The following GANAB variants were observed in gnomAD, a reference collection of about 807,000 sequenced individuals.
GANAB encodes the protein glucosidase II alpha subunit, also known as neutral alpha-glucosidase AB.
In GANAB, 35 loss-of-function variants were observed where a neutral mutation model predicts 129.9. The ratio of observed to expected loss-of-function variants is 0.27; its 90% confidence interval spans 0.21 to 0.36. The LOEUF (loss-of-function observed/expected upper bound fraction) is 0.36, where lower values mean the gene tolerates loss of function less well. GANAB is among the 10% of genes least tolerant of loss of function. The pLI is 1.00. For missense variants in GANAB, 939 were observed against 1,221.0 expected (o/e 0.77, Z 3.44); for synonymous variants, 482 against 451.8 (o/e 1.07, Z -0.85).
chr11:62,629,264 C>T lies in GANAB; in HGVS notation c.1866G>A (p.Glu622=), dbSNP rs769306062. 6.2e-7 allele frequency: 1 copy of T among 1,613,554 alleles called. No homozygotes were observed. Among genetic ancestry groups the T allele is most frequent in the South Asian group, 1.1e-5 (1 of 91,080 alleles). Residue 622 remains glutamate (E), a synonymous_variant, in exon 16 of 24, where the codon GAG becomes GAA. Coordinates refer to ENST00000356638, the MANE Select transcript of GANAB (RefSeq NM_198334.3). ...GAVWTGDNTA[E]WDHLKISIPM... The stretch of plus-strand genomic sequence containing the variant: ...GAATAGAGATCTTCAAATGGTCCCA[C>T]TCGGCAGTGTTGTCCCCTGTCCACA...
chr11:62,639,826 G>C (rs1944144429), intron 1 of GANAB, 95 bp from the exon 2 acceptor site: 2 of 746,378 alleles, frequency 2.7e-6, no homozygotes, highest in Admixed American at 2.2e-5. Context: ...AGCACTAGAA[G>C]ATAGTTGAGG....
In GANAB at chr11:62,633,431, C is replaced by A; in HGVS notation, c.630+14G>T. The A allele has an allele frequency of 1.2e-6, 2 of 1,613,408 alleles. No individual in the cohort carries two copies. Among genetic ancestry groups the A allele is most frequent in the Non-Finnish European group, 1.7e-6 (2 of 1,179,632 alleles). On this transcript the variant is annotated intron_variant, in intron 6 of 23. Transcript: ENST00000356638. ...CCAGCCCTATCCTCCAACCACCCAC[C>A]CGCTCCAACTTGCCTTGTCGCCATC... is the stretch of plus-strand genomic sequence containing the variant.
At chr11:62,633,921 G>T (rs796423004) in intron 5 of GANAB, 49 of 374,910 alleles carry the variant, frequency 1.3e-4, no homozygotes, top group African/African-American at 8.6e-4. Context: ...AAGGCATGTG[G>T]GTCATACTAT....
Position 62,625,912 on chromosome 11 carries a change from C to T in GANAB, c.2738G>A (p.Ser913Asn), listed in dbSNP as rs757621446. ...AGGGTCATGCTGGAAGGACAGGCGGCTTTCTGGAGATCCTGGAGGAGGAAT... is the reference window on the plus strand; with the variant it reads ...AGGGTCATGCTGGAAGGACAGGCGGTTTTCTGGAGATCCTGGAGGAGGAAT... ...VVLQTKGSPE[S>N]RLSFQHDPET... The change falls in exon 24 of 24, where the codon AGC (serine) becomes AAC (asparagine). Residue 913 changes from serine (S) to asparagine (N), a missense_variant. By Grantham distance (46) the Ser-to-Asn change is conservative (BLOSUM62 1). This residue lies in a region of GANAB where 230 missense variants were observed against 259.9 expected (regional missense o/e 0.89). Coordinates refer to ENST00000356638, the MANE Select transcript of GANAB (RefSeq NM_198334.3). 6.2e-7 allele frequency: 1 copy of T among 1,611,832 alleles called. No individual in the cohort carries two copies. Among genetic ancestry groups the T allele is most frequent in the Middle Eastern group, 1.7e-4 (1 of 6,054 alleles).
At chr11:62,626,714 T>C in intron 20 of GANAB, 30 bp from the exon 21 acceptor site, 1 of 1,486,446 alleles carries the variant, frequency 6.7e-7, no homozygotes, top group Middle Eastern at 2.2e-4. Context: ...AGGATGAAGT[T>C]GCCCCCTTGT....
chr11:62,629,381 C>G (rs1943554091), intron 15 of GANAB, 86 bp from the exon 16 acceptor site: 1 of 973,796 alleles, frequency 1.0e-6, no homozygotes, highest in Non-Finnish European at 1.7e-6. Context: ...CGCTCTGGGT[C>G]CCCAGAACCC....
chr11:62,646,439 G>T lies in GANAB; in HGVS notation c.38+123C>A, dbSNP rs540857011. On this transcript the variant is annotated intron_variant, in intron 1 of 23. Transcript: ENST00000356638. ...GAGGCGTCTGAGGCCGCCTCCAGAGGAACAAAGGTTCCTCACGAGGCCGGG... is the reference window on the plus strand; with the variant it reads ...GAGGCGTCTGAGGCCGCCTCCAGAGTAACAAAGGTTCCTCACGAGGCCGGG... The T allele has an allele frequency of 2.1e-4, 238 of 1,154,584 alleles. 1 individual carries two copies. In the African/African-American group the frequency reaches 3.4e-3, roughly 16 times the overall value. 71.5% of individuals were successfully genotyped at this position (1,154,584 alleles called of 1,614,324 possible).
In GANAB at chr11:62,641,341, G is replaced by GAAAA. The variant is rs10629748; in HGVS notation, c.39-1614_39-1611dup. 1.6e-4 allele frequency among the ~76,000 whole-genome samples: 18 copies of GAAAA among 109,934 alleles called. No homozygotes were observed. In the East Asian group the frequency reaches 2.6e-3, roughly 16 times the overall value. 72.1% of individuals were successfully genotyped at this position (109,934 alleles called of 152,430 possible). On this transcript the variant is annotated intron_variant, in intron 1 of 23. Coordinates refer to ENST00000356638, the MANE Select transcript of GANAB (RefSeq NM_198334.3). The stretch of plus-strand genomic sequence containing the variant: ...CCTAGGTGATGGAGCAAAACTCTCA[G>GAAAA]AAAAAAAAAAAAAAAAAAGATGTAC...
intron 4 of GANAB, among the ~76,000 whole-genome samples, chr11:62,635,753 G>A (rs1943915423): frequency 1.3e-5 from 2 of 151,352 alleles, no homozygotes; most frequent in African/African-American, 4.9e-5. Flanking sequence ...AGCCTCCCTA[G>A]TAACTGATAT....
chr11:62,639,368 C>T lies in GANAB; in HGVS notation c.243G>A (p.Glu81=). The T allele has an allele frequency of 6.2e-7, 1 of 1,606,836 alleles. No homozygotes were observed. Among genetic ancestry groups the T allele is most frequent in the Non-Finnish European group, 8.5e-7 (1 of 1,173,406 alleles). The part of the protein sequence containing the change: ...PDSLTVHLIH[E]VTKVLLVLEL... The stretch of plus-strand genomic sequence containing the variant: ...CCTTGTCTCTCCTGACCTTGGTGAC[C>T]TCATGGATCAGATGGACCGTGAGGG... The change falls in exon 3 of 24, where the codon GAG becomes GAA. Residue 81 remains glutamate (E), a synonymous_variant. Coordinates refer to ENST00000356638, the MANE Select transcript of GANAB (RefSeq NM_198334.3).
Position 62,644,894 on chromosome 11 carries a change from C to T in GANAB, c.38+1668G>A, listed in dbSNP as rs139335656. On this transcript the variant is annotated intron_variant, in intron 1 of 23. Transcript: ENST00000356638. ...ATAATAAGGTAACTAAAGACAGGGT[C>T]TATTATACACATTGTATCTAGTTAT... 9.3e-4 allele frequency among the ~76,000 whole-genome samples: 141 copies of T among 152,104 alleles called. 1 individual carries two copies. The highest frequency in any genetic ancestry group is 3.4e-3 in the Middle Eastern group (1 of 294).
intron 1 of GANAB, chr11:62,640,014 T>C (rs1288635251): frequency 1.2e-5 from 4 of 329,672 alleles, no homozygotes; most frequent in East Asian, 1.3e-4. Context: ...GGCGGGCGGA[T>C]CACGAGGTCA....
At position 62,632,711 on chromosome 11, in the gene GANAB, C is replaced by A; in HGVS notation, c.850G>T (p.Val284Leu). The A allele has an allele frequency of 6.2e-7, 1 of 1,614,022 alleles. No individual in the cohort carries two copies. Among genetic ancestry groups the A allele is most frequent in the African/African-American group, 1.3e-5 (1 of 75,030 alleles). The change falls in exon 9 of 24, where the codon GTG becomes TTG. Residue 284 changes from valine (V) to leucine (L), a missense_variant. Physicochemically the swap from Val to Leu is conservative, Grantham distance 32. Transcript: ENST00000356638. ...GEPYRLYNLD[V>L]FQYELYNPMA... ...GGGTTGTACAGCTCATACTGGAACACATCCAAATTGTAGAGGCGATATGGC... is the reference window on the plus strand; with the variant it reads ...GGGTTGTACAGCTCATACTGGAACAAATCCAAATTGTAGAGGCGATATGGC...
intron 1 of GANAB, among the ~76,000 whole-genome samples, chr11:62,640,228 C>CAAAAAAAAAAAAAAAAAAAAAA (rs869051826): frequency 3.6e-5 from 1 of 28,024 alleles, no homozygotes; most frequent in Non-Finnish European, 5.3e-5. Context: ...CAGAGCTAGA[C>CAAAAAAAAAAAAAAAAAAAAAA]AAAAAAAAAA....
chr11:62,626,568 T>G lies in GANAB; in HGVS notation c.2511+3A>C, dbSNP rs546150285. ...TGAGGAGACTCGCTGCCTATGCACT[T>G]ACCTGAGGGCTAAGTGCAACAAAGA... On this transcript the variant is annotated splice_donor_region_variant and intron_variant, in intron 21 of 23. Coordinates refer to ENST00000356638, the MANE Select transcript of GANAB (RefSeq NM_198334.3). The G allele has an allele frequency of 6.3e-7, 1 of 1,589,560 alleles. No homozygotes were observed. The highest frequency in any genetic ancestry group is 1.3e-5 in the African/African-American group (1 of 74,532).
At chr11:62,636,643 T>C (rs1040170356) in intron 4 of GANAB, among the ~76,000 whole-genome samples, 1 of 152,094 alleles carries the variant, frequency 6.6e-6, no homozygotes, top group African/African-American at 2.4e-5. Flanking sequence ...AGTGAAACCC[T>C]GTCTCTACTA....
In GANAB at chr11:62,629,693, G is replaced by A. The variant is rs772342694; in HGVS notation, c.1738-9C>T. The stretch of plus-strand genomic sequence containing the variant: ...TCAGCAGTCGCCATGTGCTGGGTGA[G>A]GAGAGAAGAGACGGGTAGTGAGGAG... On this transcript the variant is annotated splice_polypyrimidine_tract_variant and intron_variant, in intron 14 of 23. Transcript: ENST00000356638. The A allele has an allele frequency of 1.1e-5, 17 of 1,610,986 alleles. No individual in the cohort carries two copies. The highest frequency in any genetic ancestry group is 1.4e-5 in the Non-Finnish European group (16 of 1,177,716).
Position 62,639,547 on chromosome 11 carries a change from A to C in GANAB, c.143+80T>G, listed in dbSNP as rs962027012. 6.3e-6 allele frequency: 9 copies of C among 1,420,874 alleles called. No individual in the cohort carries two copies. In the East Asian group the frequency reaches 1.8e-4, roughly 29 times the overall value. The allele number at this position is 1,420,874 out of a possible 1,614,324, so 88.0% of individuals were successfully genotyped here. A position where few individuals can be genotyped will look rare whatever the true frequency, so the allele number is the denominator to read the frequency against. ...TCAGTCTATCACCTGCAGTGTCCTT[A>C]GGCACTCCATCTGCCACAGATATCT... On this transcript the variant is annotated intron_variant, in intron 2 of 23. Transcript: ENST00000356638.
rs988514027 is a variant in GANAB at position 62,633,066 on chromosome 11, C to T, written c.754G>A (p.Gly252Ser). 8 of 1,612,768 alleles carry T rather than the reference C, an allele frequency of 5.0e-6. No homozygotes were observed. The African/African-American group carries it at 6.7e-5, about 13-fold the overall frequency. ...GGGATCCCATAGACATGCTCCATGC[C>T]TGGCAGAGAGAAGTCCAAACCCACA... ...MSVGLDFSLP[G>S]MEHVYGIPEH... Residue 252 changes from glycine (G) to serine (S), a missense_variant, in exon 8 of 24, where the codon GGC becomes AGC. Gly to Ser is a moderately conservative substitution (Grantham distance 56). Around this residue, in one of 5 missense-constraint regions of GANAB, gnomAD observed 321 missense variants for 329.1 expected, o/e 0.98. Coordinates refer to ENST00000356638, the MANE Select transcript of GANAB (RefSeq NM_198334.3).
Sources: allele counts gnomAD v4.1 joint callset (sites outside exome capture counted in the v4.1 genomes callset), GRCh38; gene constraint gnomAD v4.1.1; regional missense constraint gnomAD v4.1.1; transcripts MANE v1.5; gene names NCBI Gene and HGNC (gene_info 2026-07-23, HGNC 2026-07-21).